The following RTEL1 variants were observed in gnomAD, a reference collection of about 807,000 sequenced individuals.
RTEL1 encodes the protein regulator of telomere length.
A neutral mutation model predicts 162.2 loss-of-function variants in RTEL1; 86 were observed. The observed-to-expected ratio is 0.53, with a 90% CI of 0.45 to 0.63. The LOEUF is 0.63. Among genes scored for constraint, RTEL1 ranks in the 30% least tolerant of loss-of-function variants. The pLI, the probability that RTEL1 is intolerant of heterozygous loss-of-function variation, is 0.00. For synonymous variants in RTEL1, 958 were observed against 717.9 expected, an observed-to-expected ratio of 1.33 and a Z score of -5.35; for missense variants, 1,941 against 1,750.2, an observed-to-expected ratio of 1.11 and a Z score of -1.95.
In RTEL1 at chr20:63,682,595, G is replaced by C. The variant is rs144886104; in HGVS notation, c.1191+1876G>C. 1.8e-5 allele frequency: 18 copies of C among 985,932 alleles called. No individual in the cohort carries two copies. In the East Asian group the frequency reaches 1.1e-3, roughly 62 times the overall value. The allele number at this position is 985,932 out of a possible 1,614,324, so 61.1% of individuals were successfully genotyped here. On this transcript the variant is annotated intron_variant, in intron 14 of 34. Transcript: ENST00000360203. ...GATGACTCAGCTTCTGCCAGCCCTC[G>C]GGTGCCTGGAGGATGAGGGACTGCA...
chr20:63,680,725 G>T lies in RTEL1; in HGVS notation c.1191+6G>T, dbSNP rs760073413. On this transcript the variant is annotated splice_donor_region_variant and intron_variant, in intron 14 of 34. Coordinates refer to ENST00000360203, the MANE Select transcript of RTEL1 (RefSeq NM_001283009.2). ...AGCTGGCGGACATTATCCAGGTGGG[G>T]CCTGCTCCTCTGTGGCATCTCCTTC... 2.4e-5 allele frequency: 38 copies of T among 1,613,212 alleles called. No homozygotes were observed. The highest frequency in any genetic ancestry group is 3.4e-6 in the Non-Finnish European group (4 of 1,179,960).
In RTEL1 at chr20:63,661,269, C is replaced by T. The variant is rs41310191; in HGVS notation, c.103-29C>T. 9,416 of 1,604,706 alleles carry T rather than the reference C, an allele frequency of 5.9e-3. 32 individuals carry two copies. The highest frequency in any genetic ancestry group is 0.011 in the Middle Eastern group (49 of 4,438). ...GTGGCCTCGCCTCTTCCTGGCTTCC[C>T]CGTAACCCTTGCTCCGAACTCCGTT... On this transcript the variant is annotated intron_variant, in intron 2 of 34. Transcript: ENST00000360203. The surrounding 1 kb of genome is among the most constrained non-coding windows in gnomAD (Gnocchi z 5.1).
rs761587168 is a variant in RTEL1 at position 63,688,179 on chromosome 20, G to C, written c.1636G>C (p.Gly546Arg). ...CTTATCCTCCCTGGGGAAGGCTCTG[G>C]GTGAGTGCCCTGAATGCCCCAGCTG... ...ECLSSLGKAL[G>R]NIARVVPYGL... The change falls in exon 19 of 35, where the codon GGC becomes CGC. Residue 546 changes from glycine to arginine, a missense_variant and splice_region_variant. Transcript: ENST00000360203. The C allele has an allele frequency of 9.9e-6, 16 of 1,611,916 alleles. No homozygotes were observed. Among genetic ancestry groups the C allele is most frequent in the Non-Finnish European group, 1.4e-5 (16 of 1,179,958 alleles).
At chr20:63,686,154 G>A (rs576178686) in intron 16 of RTEL1, 22 of 521,886 alleles carry the variant, frequency 4.2e-5, no homozygotes, top group African/African-American at 1.2e-4. Context: ...GCTGGGACAC[G>A]CTCGTTTATG....
intron 7 of RTEL1, among the ~76,000 whole-genome samples, chr20:63,666,402 G>A (rs569638744): frequency 5.9e-5 from 9 of 152,210 alleles, no homozygotes; most frequent in African/African-American, 1.7e-4. Context: ...CAGCGTTGTG[G>A]GTATAGCTTC....
intron 14 of RTEL1, chr20:63,681,357 CGGT>C (rs1601142673): frequency 1.0e-6 from 1 of 985,312 alleles, no homozygotes; most frequent in Middle Eastern, 5.2e-4. Flanking sequence ...TCCGGGGCCT[CGGT>C]GGCTTTTTTA....
intron 8 of RTEL1, among the ~76,000 whole-genome samples, chr20:63,669,553 G>A (rs6010614): frequency 1.3e-5 from 2 of 150,302 alleles, no homozygotes; most frequent in South Asian, 2.1e-4. Flanking sequence ...CCTCTGATTT[G>A]AAAGGACCTT....
In RTEL1 at chr20:63,687,707, G is replaced by A. The variant is rs1472407817; in HGVS notation, c.1418G>A (p.Arg473His). ...CACGAGCTGGTCCGCCAGGGCGTCC[G>A]CTCCCTCATCCTTACCAGCGGCACG... ...SMHELVRQGVRSLILTSGTLA... is the reference protein window; with the variant it reads ...SMHELVRQGVHSLILTSGTLA... The change falls in exon 17 of 35, where the codon CGC (arginine) becomes CAC (histidine). Residue 473 changes from arginine (R) to histidine (H), a missense_variant. Transcript: ENST00000360203. The A allele has an allele frequency of 5.6e-6, 9 of 1,604,252 alleles. No individual in the cohort carries two copies. The highest frequency in any genetic ancestry group is 2.2e-5 in the East Asian group (1 of 44,610).
At chr20:63,682,689 G>T in intron 14 of RTEL1, 3 of 985,998 alleles carry the variant, frequency 3.0e-6, no homozygotes, top group Non-Finnish European at 3.6e-6. Context: ...GCTGGTGCTG[G>T]GTTGGGCCTG....
chr20:63,678,250 C>G lies in RTEL1; in HGVS notation c.959-18C>G. On this transcript the variant is annotated intron_variant, in intron 11 of 34. Coordinates refer to ENST00000360203, the MANE Select transcript of RTEL1 (RefSeq NM_001283009.2). ...CTCCTCCTTGCGAGGAGGTGGGTGA[C>G]ACCTCCTCGACCCACAGTGATCCTG... 1 of 1,612,586 alleles carries G rather than the reference C, an allele frequency of 6.2e-7. No homozygotes were observed. Among genetic ancestry groups the G allele is most frequent in the Non-Finnish European group, 8.5e-7 (1 of 1,179,008 alleles).
In RTEL1 at chr20:63,689,775, G is replaced by A. The variant is rs35640778; in HGVS notation, c.2051G>A (p.Arg684Gln). 0.017 allele frequency: 27,793 copies of A among 1,612,098 alleles called. 301 individuals carry two copies. Among genetic ancestry groups the A allele is most frequent in the Non-Finnish European group, 0.02 (23,960 of 1,179,696 alleles). The change falls in exon 24 of 35, where the codon CGG becomes CAG. Residue 684 changes from arginine to glutamine, a missense_variant. Transcript: ENST00000360203. ...TTCCTCTCTGGGCAGGAGTGGTACC[G>A]GCAGCAGGCGTCCAGGGCTGTGAAC... ...GQFLSGQEWYRQQASRAVNQA... is the reference protein window; with the variant it reads ...GQFLSGQEWYQQQASRAVNQA...
At chr20:63,692,703 CA>C in intron 28 of RTEL1, 101 bp from the exon 29 acceptor site, 1 of 1,162,256 alleles carries the variant, frequency 8.6e-7, no homozygotes, top group Non-Finnish European at 1.2e-6. Context: ...CCTCGGCAGT[CA>C]CTGTCCCAGG....
intron 28 of RTEL1, 187 bp downstream of exon 28, chr20:63,692,024 A>C: frequency 1.8e-6 from 1 of 558,954 alleles, no homozygotes; most frequent in Non-Finnish European, 3.2e-6. Context: ...CAGGGGGCTC[A>C]TGAGTCCCAG....
chr20:63,681,386 G>A, intron 14 of RTEL1: 1 of 985,312 alleles, frequency 1.0e-6, no homozygotes, highest in South Asian at 4.7e-5. Flanking sequence ...AGACTCAGAA[G>A]TCCCTGACTG....
At position 63,685,777 on chromosome 20, in the gene RTEL1, C is replaced by G; in HGVS notation, c.1267-14C>G. The G allele has an allele frequency of 6.2e-7, 1 of 1,610,428 alleles. No homozygotes were observed. Among genetic ancestry groups the G allele is most frequent in the Non-Finnish European group, 8.5e-7 (1 of 1,178,860 alleles). ...TGGGCGGGGCCTCCACACTCCTGGT[C>G]CTGTCCCCTCCAGGTGCACATCCAT... On this transcript the variant is annotated splice_polypyrimidine_tract_variant and intron_variant, in intron 15 of 34. Coordinates refer to ENST00000360203, the MANE Select transcript of RTEL1 (RefSeq NM_001283009.2).
At chr20:63,691,590 C>A (rs2090745369) in intron 27 of RTEL1, 152 bp from the exon 28 acceptor site, 1 of 631,838 alleles carries the variant, frequency 1.6e-6, no homozygotes, top group Admixed American at 2.8e-5. Flanking sequence ...CAAGTTGTGG[C>A]ACTGTCACCG....
At position 63,678,606 on chromosome 20, in the gene RTEL1, C is replaced by T. The variant is rs187706773; in HGVS notation, c.1037+260C>T. On this transcript the variant is annotated intron_variant, in intron 12 of 34. Coordinates refer to ENST00000360203, the MANE Select transcript of RTEL1 (RefSeq NM_001283009.2). ...CCATGGAACAGCACACACACTCCCA[C>T]GAACAGCACACACACTCCCACGAAC... Among the ~76,000 whole-genome samples the T allele has an allele frequency of 1.8e-3, 252 of 139,316 alleles. 1 individual carries two copies. Among genetic ancestry groups the T allele is most frequent in the African/African-American group, 6.3e-3 (230 of 36,402 alleles). 91.4% of individuals were successfully genotyped at this position (139,316 alleles called of 152,430 possible). A position where few individuals can be genotyped will look rare whatever the true frequency, so the allele number is the denominator to read the frequency against.
intron 11 of RTEL1, 42 bp downstream of exon 11, chr20:63,678,225 C>T: frequency 6.2e-7 from 1 of 1,613,088 alleles, no homozygotes. Context: ...TGGGTGGGGC[C>T]TCCTCCTTGC....
At position 63,673,951 on chromosome 20, in the gene RTEL1, T is replaced by C. The variant is rs1255111722; in HGVS notation, c.777T>C (p.Cys259=). The change falls in exon 10 of 35, where the codon TGT becomes TGC. Residue 259 remains cysteine, a synonymous_variant. Coordinates refer to ENST00000360203, the MANE Select transcript of RTEL1 (RefSeq NM_001283009.2). ...FDEAHNVEKM[C]EESASFDLTP... is the part of the protein sequence containing the mutation. ...TGCTTGGGCTCTAGGAGAAGATGTG[T>C]GAAGAATCGGCATCCTTTGACCTGA... 1 of 1,612,200 alleles carries C rather than the reference T, an allele frequency of 6.2e-7. No individual in the cohort carries two copies. The highest frequency in any genetic ancestry group is 1.1e-5 in the South Asian group (1 of 90,912).
Sources: gnomAD v4.1 joint callset for allele counts (sites outside exome capture counted in the v4.1 genomes callset) on GRCh38, gnomAD v4.1.1 for gene constraint, Gnocchi (gnomAD v3.1) non-coding constraint, MANE v1.5 for transcripts, NCBI Gene and HGNC (gene_info 2026-07-23, HGNC 2026-07-21) for gene names.